SMCO1: variants seen among roughly 807,000 people sequenced by gnomAD.
SMCO1 encodes the protein single-pass membrane and coiled-coil domain-containing protein 1.
A neutral mutation model predicts 7.5 loss-of-function variants in SMCO1; 9 were observed. The ratio of observed to expected loss-of-function variants is 1.20; its 90% CI spans 0.72 to 2.09. The LOEUF (loss-of-function observed/expected upper bound fraction) is 2.09. Among genes scored for constraint, SMCO1 ranks in the 30% most tolerant of loss-of-function variants. The probability of loss-of-function intolerance (pLI) is 0.00; values close to 1 mark genes in which losing one functional copy is unlikely to be tolerated. For missense variants in SMCO1, 219 were observed against 253.1 expected (o/e 0.87, Z 0.91); for synonymous variants, 90 against 93.8 (o/e 0.96, Z 0.23).
chr3:196,513,611 G>C lies in SMCO1; in HGVS notation c.50+1549C>G, dbSNP rs1733306634. ...GCCACTGCACTCCAGCCTGGTGACA[G>C]AGTGAGACTCTGTCTCAAAAAAAAA... On this transcript the variant is annotated intron_variant, in intron 1 of 2. Coordinates refer to ENST00000397537, the MANE Select transcript of SMCO1 (RefSeq NM_001077657.3). Among the ~76,000 whole-genome samples, 4 of 118,748 alleles carry C rather than the reference G, an allele frequency of 3.4e-5. No individual in the cohort carries two copies. In the South Asian group the frequency reaches 1.1e-3, roughly 34 times the overall value. 77.9% of individuals were successfully genotyped at this position (118,748 alleles called of 152,430 possible). A position where few individuals can be genotyped will look rare whatever the true frequency, so the allele number is the denominator to read the frequency against.
At chr3:196,510,014 ACT>A (rs1733177279) in intron 1 of SMCO1, among the ~76,000 whole-genome samples, 1 of 151,974 alleles carries the variant, frequency 6.6e-6, no homozygotes, top group Non-Finnish European at 1.5e-5. Flanking sequence ...ACAGAGTCTC[ACT>A]CTGTCACCCA....
chr3:196,518,813 G>T (rs148023402), upstream of SMCO1, among the ~76,000 whole-genome samples: 28 of 152,324 alleles, frequency 1.8e-4, 1 homozygote, highest in East Asian at 4.4e-3. Context: ...GACACGGTTA[G>T]TGTGGCTGCC....
intron 1 of SMCO1, among the ~76,000 whole-genome samples, chr3:196,514,140 A>G (rs930040841): frequency 9.9e-5 from 15 of 152,142 alleles, no homozygotes; most frequent in African/African-American, 3.6e-4. Context: ...CTGTGACTCA[A>G]CTGATTACAA....
chr3:196,519,731 C>A (rs1256070758), upstream of SMCO1, among the ~76,000 whole-genome samples: 2 of 152,142 alleles, frequency 1.3e-5, no homozygotes, highest in African/African-American at 4.8e-5. Context: ...TTCCCAAGAT[C>A]CATTTTCCAG....
intron 1 of SMCO1, 53 bp downstream of exon 1, chr3:196,515,107 T>TA (rs761017956): frequency 6.3e-7 from 1 of 1,599,312 alleles, no homozygotes; most frequent in Non-Finnish European, 8.6e-7. Context: ...CTCTTACCCA[T>TA]CTTCCCAGAA....
chr3:196,516,073 A>G (rs932825557), upstream of SMCO1, among the ~76,000 whole-genome samples: 3 of 134,838 alleles, frequency 2.2e-5, no homozygotes, highest in Non-Finnish European at 4.7e-5. Context: ...ATAATATATA[A>G]TTTATATCGT....
chr3:196,516,716 G>A (rs1733395079), upstream of SMCO1, among the ~76,000 whole-genome samples: 1 of 152,168 alleles, frequency 6.6e-6, no homozygotes, highest in African/African-American at 2.4e-5. Context: ...CATACTAGCA[G>A]GGAGACAGCA....
At chr3:196,513,460 C>G (rs1733303252) in intron 1 of SMCO1, among the ~76,000 whole-genome samples, 1 of 152,034 alleles carries the variant, frequency 6.6e-6, no homozygotes, top group Non-Finnish European at 1.5e-5. Flanking sequence ...AAAACCCCTT[C>G]TTTACTAAAA....
chr3:196,506,910 C>G lies in SMCO1; in HGVS notation c.*977G>C, dbSNP rs1283368762. The G allele has an allele frequency of 6.6e-6, 1 of 152,184 alleles. No individual in the cohort carries two copies. The highest frequency in any genetic ancestry group is 1.5e-5 in the Non-Finnish European group (1 of 68,042). The allele number at this position is 152,184 out of a possible 1,614,324, so 9.4% of individuals were successfully genotyped here. On this transcript the variant is annotated 3_prime_UTR_variant, in exon 3 of 3. Coordinates refer to ENST00000397537, the MANE Select transcript of SMCO1 (RefSeq NM_001077657.3). ...AGGCAAAGTAGAATTTATTGAGTGA[C>G]AGAACGGCTCTTGGCAGTGAGAGGG...
upstream of SMCO1, among the ~76,000 whole-genome samples, chr3:196,518,832 A>G (rs992035589): frequency 6.6e-6 from 1 of 152,194 alleles, no homozygotes; most frequent in Non-Finnish European, 1.5e-5. Context: ...CCATTCTTAG[A>G]GACTTGGATG....
At chr3:196,515,988 G>GATATATATATATATATAT (rs200613159), upstream of SMCO1, among the ~76,000 whole-genome samples, 5 of 23,898 alleles carry the variant, frequency 2.1e-4, no homozygotes, top group Non-Finnish European at 2.7e-4. Context: ...AAGAGGATAG[G>GATATATATATATATATAT]ATATATATAT....
upstream of SMCO1, among the ~76,000 whole-genome samples, chr3:196,516,023 ATATATATAAT>A (rs1432640500): frequency 1.7e-5 from 2 of 121,192 alleles, no homozygotes; most frequent in East Asian, 4.4e-4. Context: ...ATATATATAT[ATATATATAAT>A]TATATATAAA....
intron 1 of SMCO1, among the ~76,000 whole-genome samples, chr3:196,514,054 C>T (rs545837755): frequency 1.3e-5 from 2 of 152,168 alleles, no homozygotes; most frequent in Admixed American, 6.5e-5. Flanking sequence ...CCAAGATTAC[C>T]GTAGCCTAAC....
At position 196,507,588 on chromosome 3, in the gene SMCO1, T is replaced by C. The variant is rs117946594; in HGVS notation, c.*299A>G. 3.8e-3 allele frequency: 595 copies of C among 155,110 alleles called. 39 individuals are homozygous for C. In the South Asian group the frequency reaches 0.1, roughly 27 times the overall value. 9.6% of individuals were successfully genotyped at this position (155,110 alleles called of 1,614,324 possible). On this transcript the variant is annotated 3_prime_UTR_variant, in exon 3 of 3. Coordinates refer to ENST00000397537, the MANE Select transcript of SMCO1 (RefSeq NM_001077657.3). ...TTATGGATATGTAAACTAATATGTG[T>C]TATATATATATTTATATATATATAT...
intron 1 of SMCO1, among the ~76,000 whole-genome samples, chr3:196,511,196 C>G (rs1023802006): frequency 2.3e-5 from 3 of 132,588 alleles, no homozygotes; most frequent in African/African-American, 4.0e-5. Context: ...CCTGGGCCAC[C>G]TAGATTGTCT....
chr3:196,508,626 C>G (rs1733122905), intron 2 of SMCO1, among the ~76,000 whole-genome samples: 1 of 149,324 alleles, frequency 6.7e-6, no homozygotes, highest in Non-Finnish European at 1.5e-5. Flanking sequence ...TCATGCCCAG[C>G]CAGTACTCAC....
chr3:196,511,339 G>A (rs1733223162), intron 1 of SMCO1, among the ~76,000 whole-genome samples: 1 of 150,566 alleles, frequency 6.6e-6, no homozygotes, highest in Non-Finnish European at 1.5e-5. Context: ...ACTTGCCTGC[G>A]CCAAGTAGAT....
chr3:196,515,000 A>G, intron 1 of SMCO1, 160 bp downstream of exon 1: 1 of 820,180 alleles, frequency 1.2e-6, no homozygotes, highest in Non-Finnish European at 2.0e-6. Context: ...TCGGCCTCCC[A>G]GTGTGCTGGG....
rs1206381414 is a variant in SMCO1 at position 196,508,936 on chromosome 3, C to CA, written c.200+583dup. Among the ~76,000 whole-genome samples, 328 of 39,816 alleles carry CA rather than the reference C, an allele frequency of 8.2e-3. 1 individual carries two copies. The highest frequency in any genetic ancestry group is 0.05 in the East Asian group (62 of 1,230). The allele number at this position is 39,816 out of a possible 152,430, so 26.1% of individuals were successfully genotyped here. On this transcript the variant is annotated intron_variant, in intron 2 of 2. Coordinates refer to ENST00000397537, the MANE Select transcript of SMCO1 (RefSeq NM_001077657.3). Reference sequence around the variant, plus strand: ...TGGGTGACAGAGTGAGACTCCATCTCAAAAAAAAAAAAAAAAAGAAAAAAA... The same window carrying CA: ...TGGGTGACAGAGTGAGACTCCATCTCAAAAAAAAAAAAAAAAAAGAAAAAAA...
Sources: allele counts gnomAD v4.1 joint callset (sites outside exome capture counted in the v4.1 genomes callset), GRCh38; gene constraint gnomAD v4.1.1; transcripts MANE v1.5; gene names NCBI Gene and HGNC (gene_info 2026-07-23, HGNC 2026-07-21).